AFAP1: variants seen among roughly 807,000 people sequenced by gnomAD.
AFAP1 encodes the protein actin filament associated protein 1.
A neutral mutation model predicts 93.9 loss-of-function variants in AFAP1; 75 were observed. That is an observed-to-expected ratio of 0.80 (90% CI 0.66 to 0.97). The LOEUF (loss-of-function observed/expected upper bound fraction) is 0.97, where lower values mean the gene tolerates loss of function less well. Among genes scored for constraint, AFAP1 ranks in the 50% least tolerant of loss-of-function variants. The pLI, the probability that AFAP1 is intolerant of heterozygous loss-of-function variation, is 0.00. For synonymous variants in AFAP1, 517 were observed against 430.7 expected (o/e 1.20, Z -2.48); for missense variants, 1,201 against 1,050.8 (o/e 1.14, Z -1.98).
chr4:7,820,428 C>T (rs969035061), intron 6 of AFAP1, among the ~76,000 whole-genome samples: 1 of 152,136 alleles, frequency 6.6e-6, no homozygotes, highest in African/African-American at 2.4e-5. Flanking sequence ...GATGGCAAGA[C>T]AGAGAAGAAC....
At chr4:7,928,000 A>G (rs1030800216) in intron 1 of AFAP1, among the ~76,000 whole-genome samples, 1 of 152,198 alleles carries the variant, frequency 6.6e-6, no homozygotes, top group Non-Finnish European at 1.5e-5. Context: ...GATCTATACT[A>G]TACAAACCAA....
intron 4 of AFAP1, among the ~76,000 whole-genome samples, chr4:7,848,078 C>T (rs893501400): frequency 4.7e-5 from 5 of 105,896 alleles, no homozygotes; most frequent in Admixed American, 2.6e-4. Context: ...AGTGGGTGGA[C>T]GGAAGGAGGG....
chr4:7,843,361 TA>T lies in AFAP1; in HGVS notation c.335-12del. ...CATCGGAATCATAATCTGTAAAAAA[TA>T]AACATACACTGGTAAAAAGGACTTC... On this transcript the variant is annotated splice_polypyrimidine_tract_variant and intron_variant, in intron 4 of 17. Transcript: ENST00000420658. 6.2e-7 allele frequency: 1 copy of T among 1,605,374 alleles called. No homozygotes were observed. The highest frequency in any genetic ancestry group is 8.5e-7 in the Non-Finnish European group (1 of 1,175,142).
chr4:7,883,228 G>C (rs1717954237), intron 1 of AFAP1, among the ~76,000 whole-genome samples: 1 of 137,646 alleles, frequency 7.3e-6, no homozygotes, highest in African/African-American at 2.7e-5. Context: ...AGGAAAGACA[G>C]AAAGAAAATC....
chr4:7,872,289 T>A, intron 1 of AFAP1: 1 of 511,900 alleles, frequency 2.0e-6, no homozygotes, highest in Non-Finnish European at 3.2e-6. Context: ...GCTTCTGCTT[T>A]AAGGCAGCAA....
rs369572891 is a variant in AFAP1 at position 7,871,908 on chromosome 4, A to G, written c.127+44T>C. 1.0e-5 allele frequency: 16 copies of G among 1,606,728 alleles called. No homozygotes were observed. The African/African-American group carries it at 2.1e-4, about 22-fold the overall frequency. On this transcript the variant is annotated intron_variant, in intron 2 of 17. Transcript: ENST00000420658. ...TAAAATTAAAGACGATTTAGAAGCCAAGACACTGTAAGAAGGAAAAGCAGG... is the reference window on the plus strand; with the variant it reads ...TAAAATTAAAGACGATTTAGAAGCCGAGACACTGTAAGAAGGAAAAGCAGG...
chr4:7,864,167 A>AACTTCCCATCACAACGCATTCC (rs1577313455), intron 3 of AFAP1, among the ~76,000 whole-genome samples: 10 of 125,724 alleles, frequency 8.0e-5, no homozygotes, highest in Non-Finnish European at 1.4e-4. Flanking sequence ...ATCACAACCC[A>AACTTCCCATCACAACGCATTCC]CAGGTCCTTT....
chr4:7,843,483 A>AAAAAAC (rs981471944), intron 4 of AFAP1, 133 bp from the exon 5 acceptor site: 4 of 843,426 alleles, frequency 4.7e-6, no homozygotes, highest in Non-Finnish European at 7.1e-6. Context: ...TCCTTAAGGG[A>AAAAAAC]AAAAACAAAA....
Position 7,818,258 on chromosome 4 carries a change from C to T in AFAP1, c.822+818G>A, listed in dbSNP as rs181316432. Among the ~76,000 whole-genome samples the T allele has an allele frequency of 5.3e-5, 8 of 152,332 alleles. No individual in the cohort carries two copies. The South Asian group carries it at 1.0e-3, about 20-fold the overall frequency. ...TGCACCATCGGCTCTCCTGGGTCTC[C>T]GCCTGCGGCCCACACTGCAGGTTTC... On this transcript the variant is annotated intron_variant, in intron 7 of 17. Coordinates refer to ENST00000420658, the MANE Select transcript of AFAP1 (RefSeq NM_001134647.2).
chr4:7,769,656 A>G (rs1276053748), intron 16 of AFAP1, among the ~76,000 whole-genome samples: 3 of 151,942 alleles, frequency 2.0e-5, no homozygotes, highest in Non-Finnish European at 4.4e-5. Context: ...GGGGGAAAAA[A>G]ACGCCACAGT....
intron 4 of AFAP1, among the ~76,000 whole-genome samples, chr4:7,845,621 G>A (rs1713592241): frequency 6.6e-6 from 1 of 151,968 alleles, no homozygotes; most frequent in African/African-American, 2.4e-5. Context: ...CTGGGTCACA[G>A]GTCTCTGCCC....
intron 9 of AFAP1, among the ~76,000 whole-genome samples, chr4:7,806,361 G>A (rs1217351896): frequency 6.0e-5 from 9 of 150,482 alleles, no homozygotes; most frequent in Non-Finnish European, 1.0e-4. Context: ...TCCCTCCCCT[G>A]CCCCCACAAA....
At position 7,786,222 on chromosome 4, in the gene AFAP1, T is replaced by C. The variant is rs1717244471; in HGVS notation, c.1502A>G (p.Tyr501Cys). The C allele has an allele frequency of 3.1e-6, 5 of 1,614,192 alleles. No individual in the cohort carries two copies. The highest frequency in any genetic ancestry group is 4.2e-6 in the Non-Finnish European group (5 of 1,180,038). ...YAHPSGTALH[Y>C]DDVPCINGSW... ...GCCGTTGATGCACGGGACATCGTCA[T>C]AATGAAGTGCCGTCCCGCTGGGGTG... is the stretch of plus-strand genomic sequence containing the variant. Residue 501 changes from tyrosine to cysteine, a missense_variant, in exon 12 of 18, where the codon TAT (tyrosine) becomes TGT (cysteine). Coordinates refer to ENST00000420658, the MANE Select transcript of AFAP1 (RefSeq NM_001134647.2).
intron 14 of AFAP1, chr4:7,776,082 T>C (rs1296231648): frequency 6.6e-6 from 1 of 152,176 alleles, no homozygotes; most frequent in Non-Finnish European, 1.5e-5. Context: ...GGATGGAGGA[T>C]CACCGATTTC....
At chr4:7,795,405 C>CTTTTTTT (rs35550085) in intron 10 of AFAP1, among the ~76,000 whole-genome samples, 5 of 62,098 alleles carry the variant, frequency 8.1e-5, no homozygotes, top group East Asian at 3.7e-4. Flanking sequence ...AAAACAAAAT[C>CTTTTTTT]TTTTTTTTTT....
intron 15 of AFAP1, chr4:7,774,467 G>C (rs1229859061): frequency 6.8e-6 from 3 of 444,444 alleles, no homozygotes; most frequent in African/African-American, 4.0e-5. Flanking sequence ...CCAGAAGCCG[G>C]AACAGGTCCC....
chr4:7,766,546 AGGTG>A (rs1714606135), intron 17 of AFAP1, among the ~76,000 whole-genome samples: 1 of 119,926 alleles, frequency 8.3e-6, no homozygotes, highest in East Asian at 5.2e-4. Context: ...CAGAATCTCC[AGGTG>A]ACTGTGTCAC....
chr4:7,901,773 TA>T (rs1719129900), intron 1 of AFAP1, among the ~76,000 whole-genome samples: 1 of 152,240 alleles, frequency 6.6e-6, no homozygotes, highest in African/African-American at 2.4e-5. Context: ...GCTGTTTTTC[TA>T]AATATTGATG....
intron 1 of AFAP1, among the ~76,000 whole-genome samples, chr4:7,887,014 G>A (rs1346128158): frequency 6.6e-6 from 1 of 152,030 alleles, no homozygotes; most frequent in East Asian, 1.9e-4. Context: ...ACACATACCT[G>A]GACTCACAGA....
Sources: allele counts gnomAD v4.1 joint callset (sites outside exome capture counted in the v4.1 genomes callset), GRCh38; gene constraint gnomAD v4.1.1; transcripts MANE v1.5; gene names NCBI Gene and HGNC (gene_info 2026-07-23, HGNC 2026-07-21).